C8orf34: variants seen among roughly 807,000 people sequenced by gnomAD.
The protein encoded by C8orf34 is uncharacterized protein C8orf34.
In C8orf34, 65 loss-of-function variants were observed where a neutral mutation model predicts 68.3. That is an observed-to-expected ratio of 0.95 (90% confidence interval 0.78 to 1.17). The LOEUF (loss-of-function observed/expected upper bound fraction) is 1.17, where lower values mean the gene tolerates loss of function less well. C8orf34 is among the 50% of genes most tolerant of loss of function. The probability of loss-of-function intolerance (pLI) is 0.00; values close to 1 mark genes in which losing one functional copy is unlikely to be tolerated. For synonymous variants in C8orf34, 244 were observed against 241.2 expected (o/e 1.01, Z -0.11); for missense variants, 664 against 655.4 (o/e 1.01, Z -0.14).
At chr8:68,379,749 A>G (rs1374202379) in intron 1 of C8orf34, among the ~76,000 whole-genome samples, 2 of 152,268 alleles carry the variant, frequency 1.3e-5, no homozygotes, top group Non-Finnish European at 2.9e-5. Flanking sequence ...TTTGTAGAAA[A>G]GAAAAAAGTC....
At chr8:68,534,710 T>TA in intron 7 of C8orf34, 1 of 985,348 alleles carries the variant, frequency 1.0e-6, no homozygotes, top group Non-Finnish European at 1.2e-6. Context: ...ACTATACCTG[T>TA]AAATGGTTCC....
intron 4 of C8orf34, among the ~76,000 whole-genome samples, chr8:68,477,673 G>A (rs1812679939): frequency 6.6e-6 from 1 of 152,216 alleles, no homozygotes; most frequent in South Asian, 2.1e-4. Context: ...CCCTAGCATA[G>A]GCTCTCCATG....
chr8:68,675,976 A>C (rs1820177053), intron 8 of C8orf34, among the ~76,000 whole-genome samples: 1 of 152,184 alleles, frequency 6.6e-6, no homozygotes, highest in East Asian at 1.9e-4. Context: ...AAGGCCTATA[A>C]AAAGAGACAA....
At chr8:68,653,409 A>G (rs1438918861) in intron 8 of C8orf34, among the ~76,000 whole-genome samples, 2 of 152,168 alleles carry the variant, frequency 1.3e-5, no homozygotes, top group Non-Finnish European at 2.9e-5. Context: ...TTTACCTTCA[A>G]TTTGAGACCA....
At chr8:68,427,547 A>G (rs2129624407) in intron 1 of C8orf34, among the ~76,000 whole-genome samples, 1 of 152,232 alleles carries the variant, frequency 6.6e-6, no homozygotes, top group East Asian at 1.9e-4. Context: ...ATATAGAGGG[A>G]AGAATGGGTG....
chr8:68,526,926 T>C (rs537222167), intron 6 of C8orf34, among the ~76,000 whole-genome samples: 2 of 152,150 alleles, frequency 1.3e-5, no homozygotes, highest in African/African-American at 2.4e-5. Context: ...GAATGAAGGC[T>C]CAGGAGGCTC....
Position 68,452,821 on chromosome 8 carries a change from A to G in C8orf34, c.607+6361A>G, listed in dbSNP as rs1467552687. 2.7e-5 allele frequency among the ~76,000 whole-genome samples: 4 copies of G among 150,366 alleles called. No homozygotes were observed. In the South Asian group the frequency reaches 6.3e-4, roughly 24 times the overall value. On this transcript the variant is annotated intron_variant, in intron 3 of 13. Coordinates refer to ENST00000518698, the MANE Select transcript of C8orf34 (RefSeq NM_052958.4). ...TTTTTTGGCTTGTGTTTTTGGTGTC[A>G]TATCTAAGAAACTCTTGCCAAATCC...
intron 10 of C8orf34, among the ~76,000 whole-genome samples, chr8:68,773,874 T>TTG (rs771771617): frequency 7.1e-4 from 108 of 152,282 alleles, no homozygotes; most frequent in Non-Finnish European, 1.5e-3. Context: ...GTCAAGAAGC[T>TTG]TGCTTTATTT....
Position 68,818,949 on chromosome 8 carries a change from A to G in C8orf34, c.*703A>G, listed in dbSNP as rs1269891976. 1 of 152,162 alleles carries G rather than the reference A, an allele frequency of 6.6e-6. No individual in the cohort carries two copies. Among genetic ancestry groups the G allele is most frequent in the African/African-American group, 2.4e-5 (1 of 41,438 alleles). 9.4% of individuals were successfully genotyped at this position (152,162 alleles called of 1,614,324 possible). ...TAAGATGATCCATTTTAAATTTAAT[A>G]TATGCTCGCTTTTGGAATGTGTTAT... is the stretch of plus-strand genomic sequence containing the variant. On this transcript the variant is annotated 3_prime_UTR_variant, in exon 14 of 14. Transcript: ENST00000518698.
intron 1 of C8orf34, among the ~76,000 whole-genome samples, chr8:68,421,773 A>G (rs1388670286): frequency 1.3e-5 from 2 of 152,218 alleles, no homozygotes; most frequent in Non-Finnish European, 2.9e-5. Flanking sequence ...TCATACTGCT[A>G]TGAAGAAATA....
At chr8:68,412,112 T>C (rs1809469061) in intron 1 of C8orf34, among the ~76,000 whole-genome samples, 1 of 152,172 alleles carries the variant, frequency 6.6e-6, no homozygotes, top group African/African-American at 2.4e-5. Context: ...GATCTTGGAC[T>C]TCTCAGCCTC....
intron 8 of C8orf34, among the ~76,000 whole-genome samples, chr8:68,698,119 T>C (rs1281314439): frequency 6.6e-6 from 1 of 152,160 alleles, no homozygotes; most frequent in Non-Finnish European, 1.5e-5. Flanking sequence ...TTCTTGCTGG[T>C]TCCATGTCTA....
chr8:68,534,097 T>A (rs1815364331), intron 7 of C8orf34: 1 of 983,520 alleles, frequency 1.0e-6, no homozygotes, highest in Admixed American at 6.2e-5. Flanking sequence ...TTTATGGCAG[T>A]AAAATACTAT....
chr8:68,654,000 C>T lies in C8orf34; in HGVS notation c.1241+13489C>T, dbSNP rs1446721036. On this transcript the variant is annotated intron_variant, in intron 8 of 13. Coordinates refer to ENST00000518698, the MANE Select transcript of C8orf34 (RefSeq NM_052958.4). ...AATGTTTTAATACATATTTATATGA[C>T]AAGAACATATATATAATTTTGTTTG... Among the ~76,000 whole-genome samples, 3 of 152,106 alleles carry T rather than the reference C, an allele frequency of 2.0e-5. 1 individual carries two copies. Among genetic ancestry groups the T allele is most frequent in the South Asian group, 4.1e-4 (2 of 4,824 alleles).
intron 3 of C8orf34, among the ~76,000 whole-genome samples, chr8:68,468,301 C>A (rs960431311): frequency 2.6e-5 from 4 of 151,966 alleles, no homozygotes; most frequent in African/African-American, 7.2e-5. Context: ...GTATATTTAG[C>A]CTTCTATGAA....
chr8:68,485,925 T>C (rs1813060980), intron 4 of C8orf34, among the ~76,000 whole-genome samples: 1 of 151,936 alleles, frequency 6.6e-6, no homozygotes, highest in Non-Finnish European at 1.5e-5. Context: ...ATATTTAAGA[T>C]ATTCAGTCTT....
At chr8:68,549,776 C>T (rs1816003918) in intron 7 of C8orf34, among the ~76,000 whole-genome samples, 1 of 151,682 alleles carries the variant, frequency 6.6e-6, no homozygotes, top group Non-Finnish European at 1.5e-5. Flanking sequence ...TATTTTGATG[C>T]TTTGTTGTTA....
intron 3 of C8orf34, among the ~76,000 whole-genome samples, chr8:68,452,546 C>A (rs77129999): frequency 0.11 from 16,506 of 150,534 alleles, 995 homozygotes; most frequent in African/African-American, 0.14. Context: ...TCAAGTGTTT[C>A]TTGGCCATTT....
chr8:68,598,692 G>C (rs2130478824), intron 7 of C8orf34, among the ~76,000 whole-genome samples: 1 of 152,286 alleles, frequency 6.6e-6, no homozygotes, highest in South Asian at 2.1e-4. Context: ...CATGAGAAGA[G>C]ATTCTAATAG....
Sources: gnomAD v4.1 joint callset for allele counts (sites outside exome capture counted in the v4.1 genomes callset) on GRCh38, gnomAD v4.1.1 for gene constraint, MANE v1.5 for transcripts, NCBI Gene and HGNC (gene_info 2026-07-23, HGNC 2026-07-21) for gene names.